Variants in AATK observed in about 807,000 individuals in gnomAD.
AATK encodes serine/threonine-protein kinase LMTK1.
In AATK, 91 loss-of-function variants were observed where a neutral mutation model predicts 114.3. The observed-to-expected ratio is 0.80, with a 90% CI of 0.67 to 0.95. The LOEUF is 0.95. AATK is among the 40% of genes least tolerant of loss of function. The probability of loss-of-function intolerance (pLI) is 0.00; values close to 1 mark genes in which losing one functional copy is unlikely to be tolerated. For missense variants in AATK, 2,176 were observed against 1,965.2 expected (o/e 1.11, Z -2.03); for synonymous variants, 1,075 against 916.5 (o/e 1.17, Z -3.12).
intron 1 of AATK, among the ~76,000 whole-genome samples, chr17:81,155,692 TTC>T (rs1273999932): frequency 6.9e-6 from 1 of 144,204 alleles, no homozygotes; most frequent in Non-Finnish European, 1.5e-5. Context: ...CCTATAATAT[TTC>T]TTTTTTTTTT....
Position 81,120,078 on chromosome 17 carries a change from G to T in AATK, c.3741C>A (p.Ser1247Arg). 6.8e-7 allele frequency: 1 copy of T among 1,461,232 alleles called. No individual in the cohort carries two copies. Among genetic ancestry groups the T allele is most frequent in the Non-Finnish European group, 9.1e-7 (1 of 1,104,284 alleles). The allele number at this position is 1,461,232 out of a possible 1,614,324, so 90.5% of individuals were successfully genotyped here. ...AGGGCTCCCCGAGCTCCCGGGTGGG[G>T]CTTTCCTGGAGGAATCAGAGAGCAC... The part of the protein sequence containing the change: ...DVTVYLFDQE[S>R]PTRELGEPFP... The change falls in exon 12 of 14, where the codon AGC (serine) becomes AGA (arginine). Residue 1247 changes from serine (S) to arginine (R), a missense_variant. By Grantham distance (110) the Ser-to-Arg change is moderately radical. Coordinates refer to ENST00000326724, the MANE Select transcript of AATK (RefSeq NM_001080395.3).
chr17:81,148,875 C>T (rs961241874), intron 1 of AATK, among the ~76,000 whole-genome samples: 8 of 151,848 alleles, frequency 5.3e-5, no homozygotes, highest in African/African-American at 1.4e-4. Flanking sequence ...GGGGCCTACC[C>T]GAGTGTCCAA....
In AATK at chr17:81,120,818, T is replaced by G; in HGVS notation, c.3118A>C (p.Arg1040=). ...TGQPSEQVCL[R]PGVSGEAQGS... Reference sequence around the variant, plus strand: ...TGTGCCTCCCCGGAAACCCCAGGCCTGAGACAGACCTGCTCAGACGGCTGC... The same window carrying G: ...TGTGCCTCCCCGGAAACCCCAGGCCGGAGACAGACCTGCTCAGACGGCTGC... The change falls in exon 11 of 14, where the codon AGG becomes CGG. Residue 1040 remains arginine (R), a synonymous_variant. Transcript: ENST00000326724. The G allele has an allele frequency of 6.3e-7, 1 of 1,575,806 alleles. No homozygotes were observed. The highest frequency in any genetic ancestry group is 8.6e-7 in the Non-Finnish European group (1 of 1,161,296).
At chr17:81,138,859 G>A (rs117228439) in intron 1 of AATK, among the ~76,000 whole-genome samples, 2,139 of 149,418 alleles carry the variant, frequency 0.014, 46 homozygotes, top group East Asian at 0.052. Flanking sequence ...CAGATAACAC[G>A]CACACATGTG....
chr17:81,141,676 G>T (rs1233286759), intron 1 of AATK, among the ~76,000 whole-genome samples: 1 of 152,166 alleles, frequency 6.6e-6, no homozygotes, highest in Non-Finnish European at 1.5e-5. Flanking sequence ...TGGCTGGGCA[G>T]GTCCCCAGAG....
Position 81,159,684 on chromosome 17 carries a change from G to A in AATK, c.55+6254C>T, listed in dbSNP as rs558172101. Among the ~76,000 whole-genome samples, 31 of 152,098 alleles carry A rather than the reference G, an allele frequency of 2.0e-4. 1 individual carries two copies. Among genetic ancestry groups the A allele is most frequent in the African/African-American group, 6.3e-4 (26 of 41,500 alleles). ...GAAGGGAAGCCAGAGGGGCCCCACC[G>A]AGCACCAGGGCCTCGTCGGAGGATC... On this transcript the variant is annotated intron_variant, in intron 1 of 13. Transcript: ENST00000326724.
At chr17:81,128,849 C>T (rs886660619) in intron 3 of AATK, 7 of 1,197,224 alleles carry the variant, frequency 5.8e-6, no homozygotes, top group African/African-American at 1.6e-5. Context: ...GCCCGGAGCT[C>T]GACCCGTCAC....
Position 81,138,333 on chromosome 17 carries a change from A to G in AATK, c.56-3832T>C, listed in dbSNP as rs535799099. ...CACACACGTGCACACATACCCACAC[A>G]TGCACACCCACACATACCCACGCAC... is the stretch of plus-strand genomic sequence containing the variant. On this transcript the variant is annotated intron_variant, in intron 1 of 13. Transcript: ENST00000326724. Among the ~76,000 whole-genome samples the G allele has an allele frequency of 2.5e-4, 37 of 147,896 alleles. 2 individuals are homozygous for G. The South Asian group carries it at 7.8e-3, about 31-fold the overall frequency.
intron 1 of AATK, among the ~76,000 whole-genome samples, chr17:81,151,315 C>T (rs2061293922): frequency 1.3e-5 from 2 of 150,326 alleles, no homozygotes; most frequent in South Asian, 4.3e-4. Flanking sequence ...CCTGTCTCCC[C>T]CCTCACCCCT....
At chr17:81,145,138 C>T (rs188160998) in intron 1 of AATK, among the ~76,000 whole-genome samples, 43 of 150,144 alleles carry the variant, frequency 2.9e-4, no homozygotes, top group Admixed American at 2.0e-3. Context: ...GAGGCTGAGG[C>T]GGGAAAATCG....
In AATK at chr17:81,155,379, C is replaced by CTAT. The variant is rs1298614317; in HGVS notation, c.55+10556_55+10558dup. Among the ~76,000 whole-genome samples the CTAT allele has an allele frequency of 6.9e-4, 82 of 118,154 alleles. 1 individual carries two copies. Among genetic ancestry groups the CTAT allele is most frequent in the African/African-American group, 2.8e-3 (76 of 26,984 alleles). 77.5% of individuals were successfully genotyped at this position (118,154 alleles called of 152,430 possible). A position where few individuals can be genotyped will look rare whatever the true frequency, so the allele number is the denominator to read the frequency against. ...TGTCTCCCTTTTTAATACATTTTAC[C>CTAT]TATTATTATTATTATTATTATTTTT... On this transcript the variant is annotated intron_variant, in intron 1 of 13. Coordinates refer to ENST00000326724, the MANE Select transcript of AATK (RefSeq NM_001080395.3).
At chr17:81,142,300 T>C (rs1202856474) in intron 1 of AATK, among the ~76,000 whole-genome samples, 2 of 148,898 alleles carry the variant, frequency 1.3e-5, no homozygotes, top group African/African-American at 5.0e-5. Flanking sequence ...TGAGACAGAA[T>C]CTTGCTCTGT....
chr17:81,132,656 C>G, intron 2 of AATK: 1 of 307,774 alleles, frequency 3.2e-6, no homozygotes, highest in Non-Finnish European at 6.7e-6. Context: ...CAGGCATTAC[C>G]TGCTGCCCGG....
chr17:81,160,015 CT>C (rs1361994051), intron 1 of AATK, among the ~76,000 whole-genome samples: 2 of 152,156 alleles, frequency 1.3e-5, no homozygotes, highest in Non-Finnish European at 2.9e-5. Flanking sequence ...GAGAGGTGGC[CT>C]TGAGCAGCCC....
rs2060983028 is a variant in AATK at position 81,134,602 on chromosome 17, C to T, written c.56-101G>A. 4 of 1,453,082 alleles carry T rather than the reference C, an allele frequency of 2.8e-6. No homozygotes were observed. In the South Asian group the frequency reaches 5.2e-5, roughly 19 times the overall value. 90.0% of individuals were successfully genotyped at this position (1,453,082 alleles called of 1,614,324 possible). On this transcript the variant is annotated intron_variant, in intron 1 of 13. Coordinates refer to ENST00000326724, the MANE Select transcript of AATK (RefSeq NM_001080395.3). ...AGCCCCACCTGGACTTGCTGCATTCCAGGCTGGGCCTCAGCACCCTGACCT... is the reference window on the plus strand; with the variant it reads ...AGCCCCACCTGGACTTGCTGCATTCTAGGCTGGGCCTCAGCACCCTGACCT...
intron 1 of AATK, among the ~76,000 whole-genome samples, chr17:81,145,999 G>T (rs1461042842): frequency 2.0e-5 from 3 of 150,458 alleles, no homozygotes; most frequent in African/African-American, 7.3e-5. Context: ...ACCAGCCTGG[G>T]CAACATGGCC....
At chr17:81,149,016 C>T (rs1464880799) in intron 1 of AATK, among the ~76,000 whole-genome samples, 1 of 152,174 alleles carries the variant, frequency 6.6e-6, no homozygotes, top group East Asian at 1.9e-4. Context: ...GATGGGGCAG[C>T]GACCCAGGCT....
At chr17:81,161,314 C>G (rs2061427566) in intron 1 of AATK, among the ~76,000 whole-genome samples, 1 of 152,068 alleles carries the variant, frequency 6.6e-6, no homozygotes, top group Non-Finnish European at 1.5e-5. Context: ...ATCACTCCAG[C>G]CTCTGCACGT....
Position 81,118,315 on chromosome 17 carries a change from G to GT in AATK, c.*86dup. The GT allele has an allele frequency of 7.1e-7, 1 of 1,415,792 alleles. No homozygotes were observed. The highest frequency in any genetic ancestry group is 1.3e-5 in the South Asian group (1 of 79,074). The allele number at this position is 1,415,792 out of a possible 1,614,324, so 87.7% of individuals were successfully genotyped here. The stretch of plus-strand genomic sequence containing the variant: ...TGCTGCCAACAGCCACCAGGACGTG[G>GT]TCCCCACCTTCTCGGTCACCATCCT... On this transcript the variant is annotated 3_prime_UTR_variant, in exon 14 of 14. Coordinates refer to ENST00000326724, the MANE Select transcript of AATK (RefSeq NM_001080395.3).
Sources: gnomAD v4.1 joint callset for allele counts (sites outside exome capture counted in the v4.1 genomes callset) on GRCh38, gnomAD v4.1.1 for gene constraint, MANE v1.5 for transcripts, NCBI Gene and HGNC (gene_info 2026-07-23, HGNC 2026-07-21) for gene names.